ADAMTS18: variants seen among roughly 807,000 people sequenced by gnomAD.
ADAMTS18 encodes A disintegrin and metalloproteinase with thrombospondin motifs 18.
Under a neutral mutation model 165.9 loss-of-function variants are expected in ADAMTS18, and 157 were observed. That is an observed-to-expected ratio of 0.95 (90% CI 0.83 to 1.08). The LOEUF (loss-of-function observed/expected upper bound fraction) is 1.08, where lower values mean the gene tolerates loss of function less well. Ranked by LOEUF, ADAMTS18 falls within the 50% of genes least tolerant of loss-of-function variation. The pLI, the probability that ADAMTS18 is intolerant of heterozygous loss-of-function variation, is 0.00. For missense variants in ADAMTS18, 2,040 were observed against 1,534.0 expected (o/e 1.33, Z -5.51); for synonymous variants, 782 against 578.2 (o/e 1.35, Z -5.06).
rs147053635 is a variant in ADAMTS18, at chr16:77,284,049, G to A, written c.3573C>T (p.Phe1191=). The A allele has an allele frequency of 5.3e-4, 857 of 1,613,060 alleles. 13 individuals carry two copies. In the East Asian group the frequency reaches 0.016, roughly 31 times the overall value. ...GAGGAACTAGGTGACACCAGTTGAA[G>A]AAATCTACGCAGGATGGATCCTCTA... The part of the protein sequence containing the change: ...EKREDPSCVD[F]FNWCHLVPQH... The change falls in exon 23 of 23, where the codon TTC becomes TTT. Residue 1191 remains phenylalanine, a synonymous_variant. Transcript: ENST00000282849.
At chr16:77,325,326 T>G (rs957439540) in intron 13 of ADAMTS18, among the ~76,000 whole-genome samples, 1 of 152,182 alleles carries the variant, frequency 6.6e-6, no homozygotes, top group Non-Finnish European at 1.5e-5. Flanking sequence ...AAAGACACAT[T>G]AATTTAAAAA....
Position 77,341,778 on chromosome 16 carries a change from A to G in ADAMTS18, c.1636T>C (p.Cys546Arg). The change falls in exon 11 of 23, where the codon TGC becomes CGC. Residue 546 changes from cysteine (C) to arginine (R), a missense_variant. By Grantham distance (180) the Cys-to-Arg change is radical. Transcript: ENST00000282849. ...TCACACCTGTGGCCTACTCGGTGGC[A>G]CCAAAGTGATTTGCAAATATCCTGA... is the stretch of plus-strand genomic sequence containing the variant. ...FVKDICKSLW[C>R]HRVGHRCETK... is the part of the protein sequence containing the mutation. 1 of 1,613,106 alleles carries G rather than the reference A, an allele frequency of 6.2e-7. No homozygotes were observed. Among genetic ancestry groups the G allele is most frequent in the Non-Finnish European group, 8.5e-7 (1 of 1,179,542 alleles).
chr16:77,290,344 T>C (rs1253850317), intron 21 of ADAMTS18, among the ~76,000 whole-genome samples: 1 of 152,190 alleles, frequency 6.6e-6, no homozygotes, highest in Non-Finnish European at 1.5e-5. Flanking sequence ...TTAAACTTTA[T>C]AAAAACAGGC....
chr16:77,312,582 G>A (rs2055803869), intron 16 of ADAMTS18, among the ~76,000 whole-genome samples: 1 of 152,168 alleles, frequency 6.6e-6, no homozygotes, highest in Non-Finnish European at 1.5e-5. Context: ...CTTACACCTG[G>A]TGAAAAATCT....
At chr16:77,324,477 G>A (rs1438232996) in intron 13 of ADAMTS18, among the ~76,000 whole-genome samples, 1 of 152,170 alleles carries the variant, frequency 6.6e-6, no homozygotes, top group Non-Finnish European at 1.5e-5. Flanking sequence ...TATATACCAA[G>A]TGCTGTTCTT....
chr16:77,416,782 T>C (rs1471550895), intron 3 of ADAMTS18, among the ~76,000 whole-genome samples: 1 of 152,032 alleles, frequency 6.6e-6, no homozygotes. Context: ...CTCACCACTA[T>C]GAGAAGAATA....
intron 3 of ADAMTS18, among the ~76,000 whole-genome samples, chr16:77,369,073 C>T (rs1483226529): frequency 6.6e-6 from 1 of 152,188 alleles, no homozygotes; most frequent in South Asian, 2.1e-4. Flanking sequence ...GTAGCTTCAG[C>T]CTCACCCAGG....
chr16:77,430,570 A>G (rs1225720364), intron 3 of ADAMTS18, among the ~76,000 whole-genome samples: 1 of 152,196 alleles, frequency 6.6e-6, no homozygotes, highest in Non-Finnish European at 1.5e-5. Context: ...ACACTTCTCA[A>G]TCACAACACA....
intron 3 of ADAMTS18, among the ~76,000 whole-genome samples, chr16:77,379,970 T>C (rs76951693): frequency 0.086 from 13,121 of 152,250 alleles, 766 homozygotes; most frequent in East Asian, 0.26. Flanking sequence ...ATGCAGTGTC[T>C]ATGCACTCTC....
At chr16:77,419,677 G>A (rs965884282) in intron 3 of ADAMTS18, among the ~76,000 whole-genome samples, 3 of 152,016 alleles carry the variant, frequency 2.0e-5, no homozygotes, top group South Asian at 2.1e-4. Flanking sequence ...AGAAAGTGTC[G>A]GTACACTGGG....
intron 3 of ADAMTS18, among the ~76,000 whole-genome samples, chr16:77,388,872 G>A (rs2057146183): frequency 6.6e-6 from 1 of 152,202 alleles, no homozygotes; most frequent in African/African-American, 2.4e-5. Context: ...CTGAATAAGT[G>A]TTTGTCGATT....
chr16:77,429,215 G>C (rs2162955), intron 3 of ADAMTS18, among the ~76,000 whole-genome samples: 390 of 152,276 alleles, frequency 2.6e-3, no homozygotes, highest in African/African-American at 9.0e-3. Context: ...AGTGGATGAA[G>C]AAAATGTGGT....
intron 3 of ADAMTS18, among the ~76,000 whole-genome samples, chr16:77,398,039 G>A (rs371589073): frequency 4.6e-5 from 7 of 152,106 alleles, no homozygotes; most frequent in Non-Finnish European, 5.9e-5. Flanking sequence ...AGGAAGGGCC[G>A]GGCATGGTGG....
At chr16:77,354,881 T>C (rs1030893626) in intron 9 of ADAMTS18, among the ~76,000 whole-genome samples, 3 of 152,190 alleles carry the variant, frequency 2.0e-5, no homozygotes, top group Admixed American at 6.5e-5. Context: ...CTTACATGAG[T>C]TGGAAAAAAT....
intron 3 of ADAMTS18, among the ~76,000 whole-genome samples, chr16:77,416,057 C>A (rs2057526154): frequency 6.6e-6 from 1 of 152,076 alleles, no homozygotes; most frequent in Non-Finnish European, 1.5e-5. Context: ...GTGAGTCAAG[C>A]ACTGGGCAAT....
In ADAMTS18 at chr16:77,353,829, A is replaced by G. The variant is rs781516848; in HGVS notation, c.1518T>C (p.Tyr506=). 19 of 1,614,130 alleles carry G rather than the reference A, an allele frequency of 1.2e-5. No individual in the cohort carries two copies. The highest frequency in any genetic ancestry group is 1.5e-5 in the Non-Finnish European group (18 of 1,180,028). Residue 506 remains tyrosine (Y), a synonymous_variant, in exon 10 of 23, where the codon TAT becomes TAC. Transcript: ENST00000282849. ...DEPKQAGQYK[Y]PDKLPGQIYD... ...AAATCTGTCCTGGTAGTTTGTCCGG[A>G]TATTTATACTGTCCTGCTTGCTTGG...
chr16:77,298,507 C>A (rs75726445), intron 17 of ADAMTS18, among the ~76,000 whole-genome samples: 1,538 of 152,202 alleles, frequency 0.01, 17 homozygotes, highest in Non-Finnish European at 0.016. Flanking sequence ...AAAACCACAT[C>A]AAGGCCGGGC....
Position 77,294,919 on chromosome 16 carries a change from T to C in ADAMTS18, c.3006+4A>G, listed in dbSNP as rs2055436633. 16 of 1,614,052 alleles carry C rather than the reference T, an allele frequency of 9.9e-6. No homozygotes were observed. The East Asian group carries it at 3.6e-4, about 36-fold the overall frequency. On this transcript the variant is annotated splice_donor_region_variant and intron_variant, in intron 19 of 22. Transcript: ENST00000282849. Reference sequence around the variant, plus strand: ...ATAGTAACTCCCAAGTTTTCTCCTGTTACCTGAGACCAGGGTCCAAGGCTC... The same window carrying C: ...ATAGTAACTCCCAAGTTTTCTCCTGCTACCTGAGACCAGGGTCCAAGGCTC...
chr16:77,333,939 T>C (rs2056233902), intron 12 of ADAMTS18, among the ~76,000 whole-genome samples: 1 of 142,650 alleles, frequency 7.0e-6, no homozygotes, highest in Non-Finnish European at 1.5e-5. Context: ...AATACTGTAA[T>C]ATATAGTGTC....
Sources: gnomAD v4.1 joint callset for allele counts (sites outside exome capture counted in the v4.1 genomes callset) on GRCh38, gnomAD v4.1.1 for gene constraint, MANE v1.5 for transcripts, NCBI Gene and HGNC (gene_info 2026-07-23, HGNC 2026-07-21) for gene names.